MBD5: variants seen among roughly 807,000 people sequenced by gnomAD.
MBD5 encodes methyl-CpG-binding domain protein 5.
A neutral mutation model predicts 117.3 loss-of-function variants in MBD5; 13 were observed. The observed-to-expected ratio is 0.11, with a 90% CI of 0.07 to 0.18. The LOEUF (loss-of-function observed/expected upper bound fraction) is 0.18, where lower values mean the gene tolerates loss of function less well. Among genes scored for constraint, MBD5 ranks in the 10% least tolerant of loss-of-function variants. MBD5 has a pLI of 1.00. For synonymous variants in MBD5, 727 were observed against 766.4 expected (o/e 0.95, Z 0.85); for missense variants, 1,879 against 2,093.8 (o/e 0.90, Z 2.00).
chr2:148,365,817 G>GA (rs1165474477), intron 4 of MBD5, among the ~76,000 whole-genome samples: 1 of 151,838 alleles, frequency 6.6e-6, no homozygotes, highest in Non-Finnish European at 1.5e-5. Context: ...AAAAAGTTCT[G>GA]AAGTTGAGAC....
At chr2:148,385,986 G>A (rs1335851247) in intron 4 of MBD5, among the ~76,000 whole-genome samples, 2 of 147,918 alleles carry the variant, frequency 1.4e-5, no homozygotes, top group African/African-American at 2.5e-5. Context: ...GGGAGGGATA[G>A]CATTAGGAGA....
chr2:148,139,048 T>C (rs971903119), intron 1 of MBD5, among the ~76,000 whole-genome samples: 7 of 152,226 alleles, frequency 4.6e-5, no homozygotes, highest in African/African-American at 1.7e-4. Flanking sequence ...TTTTTATATA[T>C]TGTTTTAGAG....
Position 148,283,368 on chromosome 2 carries a change from A to T in MBD5, c.-680+49973A>T, listed in dbSNP as rs559950419. Among the ~76,000 whole-genome samples the T allele has an allele frequency of 4.9e-4, 74 of 152,170 alleles. 1 individual carries two copies. Among genetic ancestry groups the T allele is most frequent in the Middle Eastern group, 6.8e-3 (2 of 294 alleles). On this transcript the variant is annotated intron_variant, in intron 3 of 13. Coordinates refer to ENST00000642680, the MANE Select transcript of MBD5 (RefSeq NM_001378120.1). Reference sequence around the variant, plus strand: ...TTTTATGAATAATGATTCTTTGGGGATGGGAGTGAAGTAGATCTACATTAT... The same window carrying T: ...TTTTATGAATAATGATTCTTTGGGGTTGGGAGTGAAGTAGATCTACATTAT...
chr2:148,226,035 C>A (rs1448624675), intron 2 of MBD5, among the ~76,000 whole-genome samples: 1 of 151,892 alleles, frequency 6.6e-6, no homozygotes, highest in Non-Finnish European at 1.5e-5. Flanking sequence ...TTTGAGTAAA[C>A]TTTCTGCCTC....
intron 1 of MBD5, among the ~76,000 whole-genome samples, chr2:148,114,456 TGA>T (rs1304151097): frequency 6.6e-6 from 1 of 151,862 alleles, no homozygotes; most frequent in Non-Finnish European, 1.5e-5. Flanking sequence ...GGCAATAGAG[TGA>T]GAGTCCATCT....
chr2:148,426,959 AAAAC>A lies in MBD5; in HGVS notation c.-556-31237_-556-31234del, dbSNP rs1442267844. On this transcript the variant is annotated intron_variant, in intron 4 of 13. Transcript: ENST00000642680. ...TGAACTCAAACAAATTTACAAGAAA[AAAAC>A]AAACAACCCCATCAAAAAGTGGGCT... Among the ~76,000 whole-genome samples, 58 of 152,298 alleles carry A rather than the reference AAAAC, an allele frequency of 3.8e-4. No individual in the cohort carries two copies. The East Asian group carries it at 0.011, about 29-fold the overall frequency.
intron 1 of MBD5, among the ~76,000 whole-genome samples, chr2:148,029,162 T>C (rs1429962636): frequency 1.3e-5 from 2 of 152,116 alleles, no homozygotes; most frequent in Admixed American, 1.3e-4. Context: ...TACCACTCAT[T>C]AAGAATACTT....
At chr2:148,160,195 T>C (rs1558952822) in intron 1 of MBD5, among the ~76,000 whole-genome samples, 1 of 152,096 alleles carries the variant, frequency 6.6e-6, no homozygotes, top group South Asian at 2.1e-4. Flanking sequence ...GTCAGGAGTT[T>C]GAGACCAGCC....
rs1574511167 is a variant in MBD5, at chr2:148,515,057, G to C, written c.*2116G>C. ...TATAAGTTAAAAGTTGATGTGGCTA[G>C]TATGTTTAAACCATTAATGTCCATT... On this transcript the variant is annotated 3_prime_UTR_variant, in exon 14 of 14. Coordinates refer to ENST00000642680, the MANE Select transcript of MBD5 (RefSeq NM_001378120.1). The C allele has an allele frequency of 6.6e-6, 1 of 152,192 alleles. No individual in the cohort carries two copies. Among genetic ancestry groups the C allele is most frequent in the Admixed American group, 6.5e-5 (1 of 15,290 alleles). The allele number at this position is 152,192 out of a possible 1,614,324, so 9.4% of individuals were successfully genotyped here. A position where few individuals can be genotyped will look rare whatever the true frequency, so the allele number is the denominator to read the frequency against.
intron 1 of MBD5, among the ~76,000 whole-genome samples, chr2:148,152,732 G>A (rs1443006052): frequency 6.7e-6 from 1 of 150,296 alleles, no homozygotes; most frequent in African/African-American, 2.4e-5. Context: ...TTGGTTTAAA[G>A]TCTGTTTTAT....
chr2:148,122,409 T>C (rs1696791019), intron 1 of MBD5, among the ~76,000 whole-genome samples: 1 of 152,188 alleles, frequency 6.6e-6, no homozygotes, highest in Admixed American at 6.5e-5. Flanking sequence ...ACAAATGACA[T>C]ATGAGAGTGT....
At chr2:148,330,324 A>G (rs929940640) in intron 3 of MBD5, among the ~76,000 whole-genome samples, 2 of 152,124 alleles carry the variant, frequency 1.3e-5, no homozygotes, top group Non-Finnish European at 2.9e-5. Context: ...AGAGAGAAGG[A>G]TATGCTGATT....
intron 3 of MBD5, among the ~76,000 whole-genome samples, chr2:148,254,372 G>A (rs10928390): frequency 0.47 from 72,176 of 152,026 alleles, 17,421 homozygotes; most frequent in East Asian, 0.71. Flanking sequence ...AACCTCATCC[G>A]TTAACAGGAG....
At chr2:148,209,913 A>G (rs951789411) in intron 2 of MBD5, among the ~76,000 whole-genome samples, 12 of 152,266 alleles carry the variant, frequency 7.9e-5, no homozygotes, top group African/African-American at 2.9e-4. Flanking sequence ...CATGATCCAA[A>G]CACCTTCCAC....
chr2:148,030,920 A>G (rs996461096), intron 1 of MBD5, among the ~76,000 whole-genome samples: 2 of 152,188 alleles, frequency 1.3e-5, no homozygotes, highest in Non-Finnish European at 1.5e-5. Flanking sequence ...AGCCTAGTCA[A>G]TTGAGGAAGG....
chr2:148,205,914 G>A (rs1699268208), intron 2 of MBD5, among the ~76,000 whole-genome samples: 2 of 152,036 alleles, frequency 1.3e-5, no homozygotes, highest in South Asian at 2.1e-4. Flanking sequence ...GCTGAGGTGG[G>A]AGGATCACTT....
intron 1 of MBD5, among the ~76,000 whole-genome samples, chr2:148,127,318 T>C (rs1221977887): frequency 3.3e-5 from 5 of 152,184 alleles, no homozygotes; most frequent in African/African-American, 1.2e-4. Flanking sequence ...GGTGGTTTGC[T>C]GGACAGATGA....
intron 3 of MBD5, among the ~76,000 whole-genome samples, chr2:148,329,299 C>T (rs193226555): frequency 5.7e-4 from 87 of 152,252 alleles, no homozygotes; most frequent in African/African-American, 1.9e-3. Flanking sequence ...TCAAATTAAT[C>T]CTATAGACAT....
At chr2:148,320,320 T>C (rs952597030) in intron 3 of MBD5, among the ~76,000 whole-genome samples, 3 of 151,976 alleles carry the variant, frequency 2.0e-5, no homozygotes, top group Middle Eastern at 3.4e-3. Context: ...TTATTGGGAG[T>C]TTGGGTTTGT....
Sources: allele counts gnomAD v4.1 joint callset (sites outside exome capture counted in the v4.1 genomes callset), GRCh38; gene constraint gnomAD v4.1.1; transcripts MANE v1.5; gene names NCBI Gene and HGNC (gene_info 2026-07-23, HGNC 2026-07-21).